Variants in GRIA2 observed in about 807,000 individuals in gnomAD.
GRIA2 encodes glutamate ionotropic receptor AMPA type subunit 2.
In GRIA2, 14 loss-of-function variants were observed where a neutral mutation model predicts 97.3. The ratio of observed to expected loss-of-function variants is 0.14; its 90% confidence interval spans 0.10 to 0.23. The LOEUF (loss-of-function observed/expected upper bound fraction) is 0.23, where lower values mean the gene tolerates loss of function less well. GRIA2 is among the 10% of genes least tolerant of loss of function. GRIA2 has a pLI of 1.00. For missense variants in GRIA2, 558 were observed against 1,069.8 expected (o/e 0.52, Z 6.67); for synonymous variants, 412 against 387.8 (o/e 1.06, Z -0.73).
intron 12 of GRIA2, among the ~76,000 whole-genome samples, chr4:157,344,030 C>G (rs1278075886): frequency 6.6e-6 from 1 of 151,984 alleles, no homozygotes; most frequent in East Asian, 1.9e-4. Flanking sequence ...CAGTATCATA[C>G]CTTTCACACA....
intron 2 of GRIA2, among the ~76,000 whole-genome samples, chr4:157,296,435 T>C (rs1238157620): frequency 6.6e-6 from 1 of 152,294 alleles, no homozygotes; most frequent in East Asian, 1.9e-4. Context: ...GATTATATAA[T>C]TGTGAAAACT....
chr4:157,319,549 A>ATCAATAAGTTC (rs1203852101), intron 5 of GRIA2, among the ~76,000 whole-genome samples: 1 of 152,130 alleles, frequency 6.6e-6, no homozygotes, highest in Non-Finnish European at 1.5e-5. Context: ...CTTCTAGTGA[A>ATCAATAAGTTC]TCAATAAGTT....
intron 2 of GRIA2, among the ~76,000 whole-genome samples, chr4:157,233,915 T>C (rs1730130851): frequency 6.6e-6 from 1 of 152,146 alleles, no homozygotes; most frequent in Non-Finnish European, 1.5e-5. Flanking sequence ...ATGTGATTTG[T>C]TCTTAGCTGC....
intron 2 of GRIA2, among the ~76,000 whole-genome samples, chr4:157,286,438 AT>A (rs201027382): frequency 4.0e-5 from 6 of 151,194 alleles, no homozygotes; most frequent in South Asian, 2.1e-4. Flanking sequence ...CTTACATGAC[AT>A]TTTTTTTGGA....
intron 3 of GRIA2, among the ~76,000 whole-genome samples, chr4:157,304,498 T>C (rs1733752536): frequency 6.6e-6 from 1 of 152,164 alleles, no homozygotes; most frequent in Non-Finnish European, 1.5e-5. Flanking sequence ...TGTCATAGAA[T>C]CCCAGGTGTT....
chr4:157,348,102 G>A (rs1735841535), intron 12 of GRIA2, among the ~76,000 whole-genome samples: 1 of 151,688 alleles, frequency 6.6e-6, no homozygotes, highest in Non-Finnish European at 1.5e-5. Flanking sequence ...GCAACAGAGT[G>A]AGGCTCTGTC....
upstream of GRIA2, chr4:157,220,656 G>A (rs1014023735): frequency 8.0e-4 from 5 of 6,282 alleles, no homozygotes; most frequent in East Asian, 0.015. Flanking sequence ...GTGTGTATGT[G>A]TGTGTGTGTG....
intron 2 of GRIA2, among the ~76,000 whole-genome samples, chr4:157,268,261 A>G (rs1302865481): frequency 6.6e-5 from 10 of 152,050 alleles, no homozygotes; most frequent in Admixed American, 1.3e-4. Context: ...CATATGCCCA[A>G]GGGAATCTTG....
At chr4:157,291,159 A>G (rs1733081092) in intron 2 of GRIA2, among the ~76,000 whole-genome samples, 1 of 151,854 alleles carries the variant, frequency 6.6e-6, no homozygotes, top group Non-Finnish European at 1.5e-5. Flanking sequence ...TTTTTCTGTC[A>G]CAGAAATTAA....
chr4:157,237,447 A>G (rs1009529603), intron 2 of GRIA2, among the ~76,000 whole-genome samples: 2 of 152,028 alleles, frequency 1.3e-5, no homozygotes, highest in Non-Finnish European at 2.9e-5. Flanking sequence ...GGCACATGCC[A>G]CTGCCTGGTT....
At chr4:157,269,889 T>A (rs1462991909) in intron 2 of GRIA2, among the ~76,000 whole-genome samples, 2 of 152,126 alleles carry the variant, frequency 1.3e-5, no homozygotes, top group African/African-American at 4.8e-5. Context: ...GATATACTTT[T>A]GAGCTTTCTT....
chr4:157,324,090 C>T (rs1734702802), intron 6 of GRIA2, among the ~76,000 whole-genome samples: 1 of 152,198 alleles, frequency 6.6e-6, no homozygotes, highest in African/African-American at 2.4e-5. Context: ...AGGGTTAGCA[C>T]AGCTTTGGAA....
chr4:157,233,882 T>TA (rs1219780708), intron 2 of GRIA2, among the ~76,000 whole-genome samples: 1 of 152,144 alleles, frequency 6.6e-6, no homozygotes, highest in African/African-American at 2.4e-5. Context: ...TATACCCATT[T>TA]ACAGAAAACA....
intron 11 of GRIA2, among the ~76,000 whole-genome samples, chr4:157,337,833 T>C (rs1735355929): frequency 6.6e-6 from 1 of 151,244 alleles, no homozygotes; most frequent in African/African-American, 2.4e-5. Context: ...CTTACTTCTC[T>C]GATAGTAGGT....
At chr4:157,315,578 C>T (rs1160959294) in intron 4 of GRIA2, among the ~76,000 whole-genome samples, 1 of 151,864 alleles carries the variant, frequency 6.6e-6, no homozygotes, top group African/African-American at 2.4e-5. Flanking sequence ...GATTCTCGCT[C>T]TGTCGCCAGG....
chr4:157,347,939 C>A (rs1030474062), intron 12 of GRIA2, among the ~76,000 whole-genome samples: 3 of 152,050 alleles, frequency 2.0e-5, no homozygotes, highest in Non-Finnish European at 4.4e-5. Flanking sequence ...TCCTGGCCAA[C>A]ATGGTGAAAG....
At chr4:157,240,494 T>G (rs1017008388) in intron 2 of GRIA2, among the ~76,000 whole-genome samples, 2 of 152,088 alleles carry the variant, frequency 1.3e-5, no homozygotes, top group African/African-American at 4.8e-5. Flanking sequence ...AATGTATCTC[T>G]TTCTCCACTT....
chr4:157,308,051 C>T (rs372564996), intron 3 of GRIA2, among the ~76,000 whole-genome samples: 1 of 152,304 alleles, frequency 6.6e-6, no homozygotes, highest in South Asian at 2.1e-4. Context: ...AGCAGTAAGA[C>T]ATGGTTTGAA....
intron 2 of GRIA2, among the ~76,000 whole-genome samples, chr4:157,240,686 C>A (rs567649998): frequency 3.0e-4 from 45 of 151,434 alleles, no homozygotes; most frequent in African/African-American, 1.1e-3. Context: ...TCTAGAGCAC[C>A]TCCTTAAGTT....
Sources: allele counts gnomAD v4.1 joint callset (sites outside exome capture counted in the v4.1 genomes callset), GRCh38; gene constraint gnomAD v4.1.1; transcripts MANE v1.5; gene names NCBI Gene and HGNC (gene_info 2026-07-23, HGNC 2026-07-21).